PIGN: variants seen among roughly 807,000 people sequenced by gnomAD.
PIGN encodes phosphatidylinositol glycan anchor biosynthesis class N.
A neutral mutation model predicts 125.4 loss-of-function variants in PIGN; 117 were observed. The observed-to-expected ratio is 0.93, with a 90% CI of 0.80 to 1.09. The LOEUF (loss-of-function observed/expected upper bound fraction) is 1.09, where lower values mean the gene tolerates loss of function less well. Ranked by LOEUF, PIGN falls within the 50% of genes least tolerant of loss-of-function variation. PIGN has a pLI of 0.00. For missense variants in PIGN, 1,075 were observed against 1,094.9 expected, an observed-to-expected ratio of 0.98 and a Z score of 0.26; for synonymous variants, 392 against 377.8, an observed-to-expected ratio of 1.04 and a Z score of -0.44.
chr18:62,048,463 G>A (rs2030925387), intron 30 of PIGN, among the ~76,000 whole-genome samples: 1 of 151,816 alleles, frequency 6.6e-6, no homozygotes, highest in Non-Finnish European at 1.5e-5. Flanking sequence ...TACCTATAGG[G>A]GAAAAACAAT....
intron 30 of PIGN, among the ~76,000 whole-genome samples, chr18:62,057,986 TAAAAAGAGCAGG>T (rs1254443793): frequency 5.9e-5 from 9 of 152,200 alleles, no homozygotes; most frequent in Non-Finnish European, 1.3e-4. Flanking sequence ...TCTGCAGCCA[TAAAAAGAGCAGG>T]ACTTCACAGC....
At position 62,117,427 on chromosome 18, in the gene PIGN, T is replaced by G. The variant is rs184045044; in HGVS notation, c.1173-2788A>C. On this transcript the variant is annotated intron_variant, in intron 14 of 30. Transcript: ENST00000640252. Reference sequence around the variant, plus strand: ...TGTGAACTAAAATGAACAAGGGAGATCTATACATATAAACATGGATAAATC... The same window carrying G: ...TGTGAACTAAAATGAACAAGGGAGAGCTATACATATAAACATGGATAAATC... Among the ~76,000 whole-genome samples the G allele has an allele frequency of 9.2e-5, 14 of 152,012 alleles. No individual in the cohort carries two copies. The East Asian group carries it at 2.5e-3, about 27-fold the overall frequency.
intron 30 of PIGN, among the ~76,000 whole-genome samples, chr18:62,046,307 A>T (rs2030678891): frequency 6.6e-6 from 1 of 151,758 alleles, no homozygotes; most frequent in African/African-American, 2.4e-5. Flanking sequence ...GGGGTCCCCA[A>T]ACCTCAGGCA....
rs555919842 is a variant in PIGN, at chr18:62,075,628, T to A, written c.2577-807A>T. ...AAGGGTTGTTTCTACTTGTGGCTAT[T>A]GTTCCAGTTTGTGGCTCTTACAAAT... On this transcript the variant is annotated intron_variant, in intron 28 of 30. Transcript: ENST00000640252. 4 of 152,352 alleles carry A rather than the reference T, an allele frequency of 2.6e-5. No homozygotes were observed. The East Asian group carries it at 7.7e-4, about 29-fold the overall frequency. 9.4% of individuals were successfully genotyped at this position (152,352 alleles called of 1,614,324 possible).
chr18:62,152,119 G>C (rs966814132), intron 7 of PIGN, among the ~76,000 whole-genome samples: 1 of 151,962 alleles, frequency 6.6e-6, no homozygotes, highest in African/African-American at 2.4e-5. Context: ...GTGGGGATTG[G>C]GGGGAAATTT....
intron 23 of PIGN, among the ~76,000 whole-genome samples, chr18:62,019,818 G>A (rs2030030485): frequency 6.6e-6 from 1 of 152,226 alleles, no homozygotes; most frequent in Admixed American, 6.5e-5. Flanking sequence ...TTCAGACATT[G>A]GGTAAAAGGA....
intron 11 of PIGN, among the ~76,000 whole-genome samples, chr18:62,143,066 A>C (rs1237672244): frequency 1.3e-5 from 2 of 152,216 alleles, no homozygotes; most frequent in Non-Finnish European, 1.5e-5. Context: ...TTTACATAAC[A>C]AATAATTATC....
At chr18:62,145,761 C>G (rs1027302905) in intron 10 of PIGN, 148 bp downstream of exon 10, 1 of 551,404 alleles carries the variant, frequency 1.8e-6, no homozygotes, top group Non-Finnish European at 3.3e-6. Flanking sequence ...CCAACAACCC[C>G]TTGTAGTGTT....
intron 3 of PIGN, 27 bp from the exon 4 acceptor site, chr18:62,161,412 G>A: frequency 8.9e-7 from 1 of 1,123,566 alleles, no homozygotes; most frequent in Non-Finnish European, 1.3e-6. Context: ...AATTAAATTG[G>A]GGTAAATCTT....
chr18:62,112,309 T>C (rs999779621), intron 16 of PIGN, among the ~76,000 whole-genome samples: 1 of 152,300 alleles, frequency 6.6e-6, no homozygotes, highest in East Asian at 1.9e-4. Context: ...TTGGAAAAGT[T>C]ACCACTGGAA....
intron 4 of PIGN, chr18:62,158,124 A>G (rs2036808791): frequency 4.7e-6 from 1 of 215,028 alleles, no homozygotes; most frequent in Non-Finnish European, 9.5e-6. Flanking sequence ...GATAAAACAT[A>G]TATTATTATA....
In PIGN at chr18:62,146,009, AC is replaced by A; in HGVS notation, c.821del (p.Gly274ValfsTer7). On this transcript the variant is annotated frameshift_variant, in exon 10 of 31. Coordinates refer to ENST00000640252, the MANE Select transcript of PIGN (RefSeq NM_176787.5). LOFTEE classifies it high-confidence loss of function. ...AAGGAGTTAAAGTCTCTGAAGGATG[AC>A]CAGCCCCATGGGAACCTACAAATAA... ...GMTDWGSHGA[G>X]HPSETLTPLV... 2 of 1,576,938 alleles carry A rather than the reference AC, an allele frequency of 1.3e-6. No homozygotes were observed. Among genetic ancestry groups the A allele is most frequent in the Non-Finnish European group, 1.7e-6 (2 of 1,155,808 alleles).
chr18:62,028,336 G>A (rs1301261438), intron 23 of PIGN, among the ~76,000 whole-genome samples: 1 of 152,168 alleles, frequency 6.6e-6, no homozygotes, highest in Non-Finnish European at 1.5e-5. Flanking sequence ...ACACTTCCAA[G>A]GTGTCAGCAC....
chr18:62,179,228 G>T (rs930513429), intron 1 of PIGN, among the ~76,000 whole-genome samples: 4 of 152,010 alleles, frequency 2.6e-5, no homozygotes, highest in Admixed American at 6.6e-5. Context: ...TGGCTGAGGC[G>T]GTTTGTTCAG....
chr18:62,021,045 G>A (rs767109677), intron 23 of PIGN, among the ~76,000 whole-genome samples: 17 of 151,834 alleles, frequency 1.1e-4, no homozygotes, highest in Admixed American at 2.6e-4. Context: ...ATATTCTTTC[G>A]GGGTGAATAA....
rs192850927 is a variant in PIGN at position 62,115,493 on chromosome 18, C to G, written c.1173-854G>C. Among the ~76,000 whole-genome samples, 571 of 152,230 alleles carry G rather than the reference C, an allele frequency of 3.8e-3. 1 individual carries two copies. The highest frequency in any genetic ancestry group is 5.9e-3 in the Non-Finnish European group (402 of 68,018). Reference sequence around the variant, plus strand: ...TTTAAGGCTATATTAGGTTGGATCACATGAAATTGATGTTTCATAGGCCAA... The same window carrying G: ...TTTAAGGCTATATTAGGTTGGATCAGATGAAATTGATGTTTCATAGGCCAA... On this transcript the variant is annotated intron_variant, in intron 14 of 30. Transcript: ENST00000640252.
chr18:62,039,831 T>C (rs1372608112), downstream of PIGN, among the ~76,000 whole-genome samples: 2 of 64,622 alleles, frequency 3.1e-5, no homozygotes. Context: ...CCGCACCCCA[T>C]GTTTAGGGCC....
intron 1 of PIGN, among the ~76,000 whole-genome samples, chr18:62,175,541 G>A (rs184014445): frequency 6.6e-6 from 1 of 152,146 alleles, no homozygotes; most frequent in Admixed American, 6.5e-5. Context: ...GTAATATCCT[G>A]TGTTCTTCCA....
chr18:62,152,552 C>T (rs940299033), intron 7 of PIGN, among the ~76,000 whole-genome samples: 5 of 151,956 alleles, frequency 3.3e-5, no homozygotes, highest in Non-Finnish European at 7.4e-5. Flanking sequence ...TCAACATGCT[C>T]AGAACATTTA....
Sources: gnomAD v4.1 joint callset for allele counts (sites outside exome capture counted in the v4.1 genomes callset) on GRCh38, gnomAD v4.1.1 for gene constraint, MANE v1.5 for transcripts, NCBI Gene and HGNC (gene_info 2026-07-23, HGNC 2026-07-21) for gene names.